Variants in TIMM23B observed in about 807,000 individuals in gnomAD.
TIMM23B encodes mitochondrial import inner membrane translocase subunit Tim23B.
TIMM23B carries 27 observed loss-of-function variants against 27.3 expected under a neutral mutation model. The observed-to-expected ratio is 0.99, with a 90% confidence interval of 0.73 to 1.36. The LOEUF (loss-of-function observed/expected upper bound fraction) is 1.36, where lower values mean the gene tolerates loss of function less well. Among genes scored for constraint, TIMM23B ranks in the 40% most tolerant of loss-of-function variants. The probability of loss-of-function intolerance (pLI) is 0.00; values close to 1 mark genes in which losing one functional copy is unlikely to be tolerated. For missense variants in TIMM23B, 205 were observed against 244.2 expected (o/e 0.84, Z 1.07); for synonymous variants, 73 against 92.4 (o/e 0.79, Z 1.21).
intron 4 of TIMM23B, among the ~76,000 whole-genome samples, chr10:49,953,602 T>A (rs1192206874): frequency 6.6e-6 from 1 of 152,202 alleles, no homozygotes; most frequent in Non-Finnish European, 1.5e-5. Flanking sequence ...TGCCTCAGCC[T>A]TCCAAACTGC....
At chr10:49,966,432 G>T (rs1356538585) in intron 6 of TIMM23B, among the ~76,000 whole-genome samples, 1 of 149,734 alleles carries the variant, frequency 6.7e-6, no homozygotes, top group Non-Finnish European at 1.5e-5. Flanking sequence ...ATGAAATGAA[G>T]AAATGAAATA....
chr10:49,945,210 T>G (rs1191018322), intron 2 of TIMM23B, 120 bp downstream of exon 2: 1 of 879,744 alleles, frequency 1.1e-6, no homozygotes, highest in Admixed American at 2.5e-5. Context: ...CTGGTCTCCA[T>G]TCACCCTTTT....
At chr10:49,955,653 T>A (rs1839692155) in intron 5 of TIMM23B, among the ~76,000 whole-genome samples, 1 of 152,246 alleles carries the variant, frequency 6.6e-6, no homozygotes, top group African/African-American at 2.4e-5. Context: ...CTCTTATGGC[T>A]TATGTCCTGA....
chr10:49,965,775 T>G (rs1236458385), intron 6 of TIMM23B, among the ~76,000 whole-genome samples: 6 of 151,286 alleles, frequency 4.0e-5, no homozygotes, highest in African/African-American at 1.5e-4. Context: ...CACTCCAGCC[T>G]GGGTAATGGA....
At chr10:49,959,466 T>C (rs1839827071) in intron 6 of TIMM23B, among the ~76,000 whole-genome samples, 1 of 152,224 alleles carries the variant, frequency 6.6e-6, no homozygotes, top group African/African-American at 2.4e-5. Flanking sequence ...TTTACTAGTT[T>C]AGAAGCATAC....
chr10:49,971,998 C>T (rs1840472294), intron 6 of TIMM23B, among the ~76,000 whole-genome samples: 1 of 152,204 alleles, frequency 6.6e-6, no homozygotes, highest in South Asian at 2.1e-4. Flanking sequence ...ATCTTTCTAT[C>T]TGGGATCAGT....
At position 49,954,154 on chromosome 10, in the gene TIMM23B, G is replaced by A. The variant is rs1323261900; in HGVS notation, c.345-848G>A. 3.7e-5 allele frequency: 6 copies of A among 162,160 alleles called. No homozygotes were observed. The Admixed American group carries it at 3.8e-4, about 10-fold the overall frequency. 10.0% of individuals were successfully genotyped at this position (162,160 alleles called of 1,614,324 possible). On this transcript the variant is annotated intron_variant, in intron 4 of 6. Transcript: ENST00000651259. ...TTTGTTTCTGTAGAACGTTAATTGA[G>A]TCGTTTAATAATTAAACTGAATGAG...
intron 6 of TIMM23B, among the ~76,000 whole-genome samples, chr10:49,966,893 CATG>C (rs1326150983): frequency 6.6e-6 from 1 of 152,152 alleles, no homozygotes. Context: ...GTTTTTCCCT[CATG>C]ATCTTTCTAT....
In TIMM23B at chr10:49,969,888, C is replaced by T. The variant is rs1227902437; in HGVS notation, c.515-3124C>T. Reference sequence around the variant, plus strand: ...GCCATCTCGGCTCACTGCACCCTCCCTGCCTGATTCTCCTGCCTCAGCCTG... The same window carrying T: ...GCCATCTCGGCTCACTGCACCCTCCTTGCCTGATTCTCCTGCCTCAGCCTG... On this transcript the variant is annotated intron_variant, in intron 6 of 6. Coordinates refer to ENST00000651259, the MANE Select transcript of TIMM23B (RefSeq NM_001290117.2). 3.9e-5 allele frequency among the ~76,000 whole-genome samples: 6 copies of T among 152,248 alleles called. No homozygotes were observed. In the East Asian group the frequency reaches 7.7e-4, roughly 20 times the overall value.
chr10:49,951,828 A>G (rs1839539613), intron 2 of TIMM23B, among the ~76,000 whole-genome samples: 1 of 152,216 alleles, frequency 6.6e-6, no homozygotes, highest in Admixed American at 6.5e-5. Flanking sequence ...CATAGCTTTC[A>G]GTGTTCCTTT....
intron 2 of TIMM23B, among the ~76,000 whole-genome samples, chr10:49,948,277 A>T (rs1839415818): frequency 6.6e-6 from 1 of 152,202 alleles, no homozygotes. Context: ...GGGAATGTAA[A>T]ATGATACAGC....
chr10:49,954,733 C>CTTATTA lies in TIMM23B; in HGVS notation c.345-244_345-239dup, dbSNP rs1262233769. Among the ~76,000 whole-genome samples the CTTATTA allele has an allele frequency of 9.1e-3, 1,324 of 145,018 alleles. 16 individuals are homozygous for CTTATTA. Among genetic ancestry groups the CTTATTA allele is most frequent in the African/African-American group, 0.024 (962 of 39,840 alleles). On this transcript the variant is annotated intron_variant, in intron 4 of 6. Coordinates refer to ENST00000651259, the MANE Select transcript of TIMM23B (RefSeq NM_001290117.2). ...TATACATTTAATAATAAGAGTTTTC[C>CTTATTA]TTATTATTATTATTATTATTATTAT... is the stretch of plus-strand genomic sequence containing the variant.
rs1265747536 is a variant in TIMM23B, at chr10:49,965,414, AATGAAATGAAATAG to A, written c.514+6946_514+6959del. Among the ~76,000 whole-genome samples the A allele has an allele frequency of 4.0e-5, 6 of 151,292 alleles. No individual in the cohort carries two copies. In the South Asian group the frequency reaches 6.3e-4, roughly 16 times the overall value. ...GCGAGTCTACGTCATGAAATTGAAA[AATGAAATGAAATAG>A]ATGAAATGAAAAAATGAAATAATAA... On this transcript the variant is annotated intron_variant, in intron 6 of 6. Transcript: ENST00000651259.
intron 5 of TIMM23B, among the ~76,000 whole-genome samples, chr10:49,956,642 A>G (rs1839736179): frequency 2.1e-5 from 3 of 146,138 alleles, no homozygotes; most frequent in South Asian, 4.4e-4. Flanking sequence ...TCATGTGCAC[A>G]TGTCCCTGAT....
At chr10:49,950,200 CTTTTTT>C (rs1169522720) in intron 2 of TIMM23B, among the ~76,000 whole-genome samples, 3 of 117,982 alleles carry the variant, frequency 2.5e-5, no homozygotes, top group Non-Finnish European at 3.7e-5. Flanking sequence ...AAAGTTTTTT[CTTTTTT>C]TTTTTTTTTT....
chr10:49,957,270 T>TC (rs1839756743), intron 5 of TIMM23B, among the ~76,000 whole-genome samples: 1 of 149,674 alleles, frequency 6.7e-6, no homozygotes, highest in African/African-American at 2.5e-5. Flanking sequence ...TTTTTTTTTT[T>TC]TTTTGAGACA....
At chr10:49,962,243 G>A (rs1327009998) in intron 6 of TIMM23B, among the ~76,000 whole-genome samples, 21 of 147,102 alleles carry the variant, frequency 1.4e-4, no homozygotes, top group South Asian at 2.1e-4. Flanking sequence ...TTGCTCTGTC[G>A]CCAGGCTGCG....
intron 6 of TIMM23B, among the ~76,000 whole-genome samples, chr10:49,967,669 A>G (rs1255329149): frequency 1.6e-4 from 24 of 152,266 alleles, no homozygotes; most frequent in African/African-American, 5.8e-4. Flanking sequence ...TTCATAATTT[A>G]TGTTGGAGGT....
intron 6 of TIMM23B, among the ~76,000 whole-genome samples, chr10:49,964,188 GTGAAATGAAA>G (rs560618329): frequency 4.9e-5 from 7 of 142,830 alleles, no homozygotes; most frequent in Non-Finnish European, 1.1e-4. Flanking sequence ...CCATCTTGAA[GTGAAATGAAA>G]TGAAATGAAA....
Sources: gnomAD v4.1 joint callset for allele counts (sites outside exome capture counted in the v4.1 genomes callset) on GRCh38, gnomAD v4.1.1 for gene constraint, MANE v1.5 for transcripts, NCBI Gene and HGNC (gene_info 2026-07-23, HGNC 2026-07-21) for gene names.